The following ZNF219 variants were observed in gnomAD, a reference collection of about 807,000 sequenced individuals.
The protein encoded by ZNF219 is zinc finger protein 219.
Under a neutral mutation model 54.4 loss-of-function variants are expected in ZNF219, and 17 were observed. The ratio of observed to expected loss-of-function variants is 0.31; its 90% CI spans 0.21 to 0.47. ZNF219 has a LOEUF of 0.47. Ranked by LOEUF, ZNF219 falls within the 20% of genes least tolerant of loss-of-function variation. The pLI, the probability that ZNF219 is intolerant of heterozygous loss-of-function variation, is 1.00. For missense variants in ZNF219, 1,014 were observed against 1,062.3 expected (o/e 0.95, Z 0.63); for synonymous variants, 518 against 476.4 (o/e 1.09, Z -1.14).
At chr14:21,102,780 G>A (rs966464528), upstream of ZNF219, 15 of 1,548,610 alleles carry the variant, frequency 9.7e-6, no homozygotes, top group South Asian at 3.6e-5. Context: ...GCTGCAGGAG[G>A]TATGGGGGCA....
At position 21,098,378 on chromosome 14, in the gene ZNF219, G is replaced by T. The variant is rs1302022604; in HGVS notation, c.-150C>A. Reference sequence around the variant, plus strand: ...CGGCGGCGGCGGGCGGCGGGCCGGCGGCGCGGGCGTCAGCGTTACGTGGGG... The same window carrying T: ...CGGCGGCGGCGGGCGGCGGGCCGGCTGCGCGGGCGTCAGCGTTACGTGGGG... On this transcript the variant is annotated 5_prime_UTR_variant, in exon 1 of 5. Coordinates refer to ENST00000360947, the MANE Select transcript of ZNF219 (RefSeq NM_016423.3). 2.6e-5 allele frequency: 13 copies of T among 498,126 alleles called. No homozygotes were observed. The highest frequency in any genetic ancestry group is 3.3e-5 in the Non-Finnish European group (13 of 388,960). The allele number at this position is 498,126 out of a possible 1,614,324, so 30.9% of individuals were successfully genotyped here.
chr14:21,102,023 A>G, upstream of ZNF219: 1 of 1,550,532 alleles, frequency 6.4e-7, no homozygotes, highest in Non-Finnish European at 8.7e-7. Flanking sequence ...GCCCCTTCCT[A>G]ACGGGACCAG....
At chr14:21,099,199 G>C, upstream of ZNF219, 1 of 172,684 alleles carries the variant, frequency 5.8e-6, no homozygotes, top group Non-Finnish European at 1.3e-5. Flanking sequence ...CTACAAACTG[G>C]TAAGTAGTAT....
Position 21,091,901 on chromosome 14 carries a change from C to G in ZNF219, c.1396G>C (p.Ala466Pro). 1 of 1,586,844 alleles carries G rather than the reference C, an allele frequency of 6.3e-7. No individual in the cohort carries two copies. Reference sequence around the variant, plus strand: ...GTCGATCTTGCCTGGGCCCCAGCAGCAGAGGCAGAGTGCCCCGGTCCCTCA... The same window carrying G: ...GTCGATCTTGCCTGGGCCCCAGCAGGAGAGGCAGAGTGCCCCGGTCCCTCA... The part of the protein sequence containing the change: ...PGEGPGHSAS[A>P]AGAQARSTAT... The change falls in exon 3 of 5, where the codon GCT (alanine) becomes CCT (proline). Residue 466 changes from alanine to proline, a missense_variant. Transcript: ENST00000360947.
upstream of ZNF219, chr14:21,101,898 C>A (rs1319012702): frequency 1.3e-6 from 2 of 1,551,384 alleles, no homozygotes; most frequent in Non-Finnish European, 1.7e-6. Context: ...GGTTGTGGTG[C>A]CCCTTGCTGT....
At chr14:21,103,491 TC>T, upstream of ZNF219, 1 of 582,324 alleles carries the variant, frequency 1.7e-6, no homozygotes, top group Non-Finnish European at 2.9e-6. Context: ...TCCTGTCACC[TC>T]CCCATACAGC....
rs772397205 is a variant in ZNF219, at chr14:21,091,493, G to T, written c.1482C>A (p.Gly494=). ...AGAAAGGACAATCCTTGCCGGTGGC[G>T]CCCCGGCCCCCTTCAGGCCGGGTCC... ...VGGTRPEGGR[G]ATGKDCPFCG... is the part of the protein sequence containing the mutation. The change falls in exon 4 of 5, where the codon GGC becomes GGA. Residue 494 remains glycine, a synonymous_variant. Coordinates refer to ENST00000360947, the MANE Select transcript of ZNF219 (RefSeq NM_016423.3). 6.2e-7 allele frequency: 1 copy of T among 1,609,592 alleles called. No homozygotes were observed. Among genetic ancestry groups the T allele is most frequent in the South Asian group, 1.1e-5 (1 of 90,998 alleles).
chr14:21,093,188 C>A lies in ZNF219; in HGVS notation c.109G>T (p.Ala37Ser), dbSNP rs781336259. 8 of 1,608,762 alleles carry A rather than the reference C, an allele frequency of 5.0e-6. No individual in the cohort carries two copies. The South Asian group carries it at 5.5e-5, about 11-fold the overall frequency. The change falls in exon 3 of 5, where the codon GCA (alanine) becomes TCA (serine). Residue 37 changes from alanine to serine, a missense_variant. Coordinates refer to ENST00000360947, the MANE Select transcript of ZNF219 (RefSeq NM_016423.3). ...ACCGCTCCCATCCCGAGCGACCCTGCGCTCACGGCTGGCCCGTTGGAGTAT... is the reference window on the plus strand; with the variant it reads ...ACCGCTCCCATCCCGAGCGACCCTGAGCTCACGGCTGGCCCGTTGGAGTAT... The part of the protein sequence containing the change: ...QRYSNGPAVS[A>S]GSLGMGAVSW...
chr14:21,098,535 G>T lies in ZNF219; in HGVS notation c.-307C>A. 1.0e-6 allele frequency: 1 copy of T among 986,352 alleles called. No individual in the cohort carries two copies. The highest frequency in any genetic ancestry group is 1.1e-4 in the East Asian group (1 of 8,752). 61.1% of individuals were successfully genotyped at this position (986,352 alleles called of 1,614,324 possible). ...CGGCCCGGCCATTAGCATGCGGGGG[G>T]CGGCGCGGCGGGGCTGGGAGCCGCG... On this transcript the variant is annotated 5_prime_UTR_variant, in exon 1 of 5. Coordinates refer to ENST00000360947, the MANE Select transcript of ZNF219 (RefSeq NM_016423.3).
chr14:21,091,017 T>TCCGGGGGTGGC lies in ZNF219; in HGVS notation c.1677_1687dup (p.Glu563GlyfsTer189). The TCCGGGGGTGGC allele has an allele frequency of 6.4e-7, 1 of 1,554,342 alleles. No homozygotes were observed. The highest frequency in any genetic ancestry group is 8.6e-7 in the Non-Finnish European group (1 of 1,156,740). On this transcript the variant is annotated frameshift_variant, in exon 5 of 5. Transcript: ENST00000360947. LOFTEE classifies it high-confidence loss of function. ...ACCCCGCTGGGAAGGAGGCGGTGGC[T>TCCGGGGGTGGC]CCGGGGGTGGCCCGGGGCCGGCCCC...
chr14:21,090,335 C>T lies in ZNF219; in HGVS notation c.*201G>A. ...TCTTTGACCCTCACCTCTGCCACTT[C>T]TAAGGCACTGTGACTCCCTTGGGCT... On this transcript the variant is annotated 3_prime_UTR_variant, in exon 5 of 5. Coordinates refer to ENST00000360947, the MANE Select transcript of ZNF219 (RefSeq NM_016423.3). This position sits in a 1 kb window ranked among gnomAD's most constrained non-coding sequence, Gnocchi z 4.4. 1 of 753,292 alleles carries T rather than the reference C, an allele frequency of 1.3e-6. No individual in the cohort carries two copies. Among genetic ancestry groups the T allele is most frequent in the East Asian group, 2.7e-5 (1 of 37,396 alleles). 46.7% of individuals were successfully genotyped at this position (753,292 alleles called of 1,614,324 possible). A position where few individuals can be genotyped will look rare whatever the true frequency, so the allele number is the denominator to read the frequency against.
upstream of ZNF219, chr14:21,100,937 G>A (rs1889590786): frequency 6.1e-6 from 1 of 162,968 alleles, no homozygotes; most frequent in African/African-American, 2.4e-5. Flanking sequence ...CAGAAATGAG[G>A]GTAATGAGAA....
upstream of ZNF219, chr14:21,098,655 CG>C (rs1566555036): frequency 4.4e-6 from 4 of 913,684 alleles, no homozygotes; most frequent in Middle Eastern, 5.4e-4. Flanking sequence ...GGTTTGGAGA[CG>C]GGGGGCGCTG....
upstream of ZNF219, chr14:21,101,193 G>GA (rs1889602778): frequency 7.4e-6 from 5 of 678,872 alleles, no homozygotes; most frequent in Admixed American, 5.3e-5. Flanking sequence ...AGGTAGGTGT[G>GA]AGGACCTGGA....
upstream of ZNF219, among the ~76,000 whole-genome samples, chr14:21,100,555 A>G (rs1889570342): frequency 6.6e-6 from 1 of 152,030 alleles, no homozygotes; most frequent in Non-Finnish European, 1.5e-5. Context: ...AGATAGATAG[A>G]TAATGTCCAG....
At chr14:21,102,125 G>A (rs746366161), upstream of ZNF219, 18 of 1,550,562 alleles carry the variant, frequency 1.2e-5, no homozygotes, top group Non-Finnish European at 1.6e-5. Flanking sequence ...TGGAAGGTGA[G>A]AGGGAAGAAA....
chr14:21,098,453 C>CT lies in ZNF219; in HGVS notation c.-226_-225insA. The CT allele has an allele frequency of 1.1e-6, 1 of 909,038 alleles. No individual in the cohort carries two copies. Among genetic ancestry groups the CT allele is most frequent in the Non-Finnish European group, 1.3e-6 (1 of 763,078 alleles). 56.3% of individuals were successfully genotyped at this position (909,038 alleles called of 1,614,324 possible). A position where few individuals can be genotyped will look rare whatever the true frequency, so the allele number is the denominator to read the frequency against. ...GCCCCCCCGCCCCCGGCCCGGCCCC[C>CT]GCCCCCTCCCCGGTCCCCCGCCCCC... On this transcript the variant is annotated 5_prime_UTR_variant, in exon 1 of 5. An upstream open reading frame in the 5' UTR gains an earlier in-frame stop. Transcript: ENST00000360947.
At chr14:21,101,450 C>T (rs1381586181), upstream of ZNF219, 57 of 1,551,274 alleles carry the variant, frequency 3.7e-5, no homozygotes, top group Non-Finnish European at 4.8e-5. Flanking sequence ...TTGGTGCTAG[C>T]GGTGAGGCCA....
Position 21,091,497 on chromosome 14 carries a change from CG to C in ZNF219, c.1477del (p.Arg493GlyfsTer255). On this transcript the variant is annotated frameshift_variant, in exon 4 of 5. Transcript: ENST00000360947. LOFTEE classifies it high-confidence loss of function. Reference protein sequence around the residue: ...LVGGTRPEGGRGATGKDCPFC... With the variant: ...LVGGTRPEGGXGATGKDCPFC... ...AGGACAATCCTTGCCGGTGGCGCCC[CG>C]GCCCCCTTCAGGCCGGGTCCCTCCA... The C allele has an allele frequency of 6.2e-7, 1 of 1,609,704 alleles. No homozygotes were observed. Among genetic ancestry groups the C allele is most frequent in the Non-Finnish European group, 8.5e-7 (1 of 1,176,886 alleles).
Sources: gnomAD v4.1 joint callset for allele counts (sites outside exome capture counted in the v4.1 genomes callset) on GRCh38, gnomAD v4.1.1 for gene constraint, Gnocchi (gnomAD v3.1) non-coding constraint, MANE v1.5 for transcripts, NCBI Gene and HGNC (gene_info 2026-07-23, HGNC 2026-07-21) for gene names.